Variants in GABRA2 observed in about 807,000 individuals in gnomAD.
GABRA2 encodes the protein gamma-aminobutyric acid type A receptor subunit alpha2, also known as gamma-aminobutyric acid receptor subunit alpha-2.
GABRA2 carries 16 observed loss-of-function variants against 48.7 expected under a neutral mutation model. That is an observed-to-expected ratio of 0.33 (90% CI 0.22 to 0.50). The LOEUF is 0.50. GABRA2 is among the 20% of genes least tolerant of loss of function. GABRA2 has a pLI of 0.98. For synonymous variants in GABRA2, 185 were observed against 184.5 expected (o/e 1.00, Z -0.02); for missense variants, 275 against 535.6 (o/e 0.51, Z 4.80).
intron 8 of GABRA2, among the ~76,000 whole-genome samples, chr4:46,272,571 A>T (rs573642960): frequency 6.6e-6 from 1 of 152,154 alleles, no homozygotes; most frequent in African/African-American, 2.4e-5. Context: ...ACAACTGGAC[A>T]AGGTTTAAGA....
At chr4:46,283,771 G>GT (rs1169710958) in intron 8 of GABRA2, among the ~76,000 whole-genome samples, 2 of 152,216 alleles carry the variant, frequency 1.3e-5, no homozygotes, top group East Asian at 1.9e-4. Flanking sequence ...CTGTTTGTTT[G>GT]TTTTTTGAGA....
At chr4:46,277,821 C>T (rs184938437) in intron 8 of GABRA2, among the ~76,000 whole-genome samples, 2 of 152,274 alleles carry the variant, frequency 1.3e-5, no homozygotes, top group East Asian at 1.9e-4. Context: ...GCTATTCAGT[C>T]CCAGTTGAAG....
At chr4:46,380,473 T>C (rs980201623) in intron 3 of GABRA2, among the ~76,000 whole-genome samples, 6 of 152,198 alleles carry the variant, frequency 3.9e-5, no homozygotes, top group African/African-American at 1.4e-4. Flanking sequence ...GTAGAAGTGG[T>C]AGTAGAACCA....
intron 8 of GABRA2, among the ~76,000 whole-genome samples, chr4:46,290,967 T>C (rs1723506621): frequency 6.6e-6 from 1 of 152,208 alleles, no homozygotes; most frequent in Admixed American, 6.5e-5. Context: ...TCTTTTAATG[T>C]GTGGTTGGAT....
intron 8 of GABRA2, among the ~76,000 whole-genome samples, chr4:46,291,781 A>ATATG (rs1553906991): frequency 3.3e-5 from 5 of 149,838 alleles, no homozygotes; most frequent in South Asian, 2.1e-4. Flanking sequence ...ACACACATAT[A>ATATG]TATATATATA....
chr4:46,349,976 G>A (rs1734842715), intron 3 of GABRA2, among the ~76,000 whole-genome samples: 1 of 151,784 alleles, frequency 6.6e-6, no homozygotes, highest in South Asian at 2.1e-4. Context: ...AATTCCAAAT[G>A]TGTGATAATA....
At chr4:46,363,904 A>G (rs1713620840) in intron 3 of GABRA2, 1 of 152,310 alleles carries the variant, frequency 6.6e-6, no homozygotes, top group South Asian at 2.1e-4. Context: ...TTTCCATAGC[A>G]ATTTTAAAGG....
In GABRA2 at chr4:46,256,365, T is replaced by C; in HGVS notation, c.1059+5561A>G. 1 of 654,750 alleles carries C rather than the reference T, an allele frequency of 1.5e-6. No individual in the cohort carries two copies. Among genetic ancestry groups the C allele is most frequent in the African/African-American group, 1.8e-5 (1 of 55,332 alleles). The allele number at this position is 654,750 out of a possible 1,614,324, so 40.6% of individuals were successfully genotyped here. On this transcript the variant is annotated intron_variant, in intron 9 of 9. Coordinates refer to ENST00000381620, the MANE Select transcript of GABRA2 (RefSeq NM_000807.4). The stretch of plus-strand genomic sequence containing the variant: ...GTTAATGTAATGCCTTCAGCTTTTA[T>C]TGAAGGGGACTACAAGAAACATCAA...
chr4:46,378,907 G>A (rs1324507940), intron 3 of GABRA2, among the ~76,000 whole-genome samples: 7 of 151,824 alleles, frequency 4.6e-5, no homozygotes, highest in Admixed American at 3.3e-4. Context: ...GACACTTGCT[G>A]TATGGGGAGA....
intron 8 of GABRA2, among the ~76,000 whole-genome samples, chr4:46,284,006 A>G (rs554428091): frequency 1.8e-4 from 27 of 147,090 alleles, no homozygotes; most frequent in Non-Finnish European, 3.9e-4. Flanking sequence ...TGATCTGCCC[A>G]CCTCAGCCTC....
intron 3 of GABRA2, among the ~76,000 whole-genome samples, chr4:46,377,636 G>A (rs536233765): frequency 6.6e-5 from 8 of 121,970 alleles, no homozygotes; most frequent in South Asian, 5.6e-4. Flanking sequence ...CTAGCCGCCC[G>A]GTCCAGGAGG....
At chr4:46,264,629 T>C (rs557819056) in intron 8 of GABRA2, among the ~76,000 whole-genome samples, 1 of 152,200 alleles carries the variant, frequency 6.6e-6, no homozygotes, top group South Asian at 2.1e-4. Context: ...ATAAGGAATA[T>C]GGATCTGTAG....
At chr4:46,320,241 C>G (rs1018594350) in intron 4 of GABRA2, among the ~76,000 whole-genome samples, 2 of 151,718 alleles carry the variant, frequency 1.3e-5, no homozygotes, top group Admixed American at 6.6e-5. Context: ...GCCATATGCA[C>G]TAGAATTAAA....
intron 8 of GABRA2, among the ~76,000 whole-genome samples, chr4:46,267,103 T>C (rs1384731749): frequency 1.3e-5 from 2 of 152,108 alleles, no homozygotes; most frequent in African/African-American, 4.8e-5. Context: ...TGCTTGATGA[T>C]GTACAACAGG....
chr4:46,312,479 C>T lies in GABRA2; in HGVS notation c.476+17G>A. 5 of 1,555,492 alleles carry T rather than the reference C, an allele frequency of 3.2e-6. No homozygotes were observed. Among genetic ancestry groups the T allele is most frequent in the Non-Finnish European group, 2.7e-6 (3 of 1,130,808 alleles). Reference sequence around the variant, plus strand: ...TTCTCAGTATATAAATACATCACATCAAACCTAAAAACATACCTCATGGTA... The same window carrying T: ...TTCTCAGTATATAAATACATCACATTAAACCTAAAAACATACCTCATGGTA... On this transcript the variant is annotated intron_variant, in intron 5 of 9. Coordinates refer to ENST00000381620, the MANE Select transcript of GABRA2 (RefSeq NM_000807.4).
At chr4:46,365,486 T>G (rs1205337567) in intron 3 of GABRA2, 1 of 152,124 alleles carries the variant, frequency 6.6e-6, no homozygotes, top group African/African-American at 2.4e-5. Flanking sequence ...ATTTCCTAAA[T>G]TGTGAACAAA....
rs891521205 is a variant in GABRA2, at chr4:46,245,428, C to CT, written c.*4879dup. Among the ~76,000 whole-genome samples the CT allele has an allele frequency of 3.3e-5, 5 of 150,828 alleles. No homozygotes were observed. The highest frequency in any genetic ancestry group is 9.7e-5 in the African/African-American group (4 of 41,130). ...ATTGCAAGATCATTTTGAATTTAAT[C>CT]TTTTTTTAAAAAAAAACTAGAAATA... On this transcript the variant is annotated 3_prime_UTR_variant, in exon 10 of 10. Coordinates refer to ENST00000381620, the MANE Select transcript of GABRA2 (RefSeq NM_000807.4).
chr4:46,265,476 TG>T (rs1436353468), intron 8 of GABRA2, among the ~76,000 whole-genome samples: 12 of 88,336 alleles, frequency 1.4e-4, no homozygotes, highest in African/African-American at 6.5e-4. Context: ...TATAATATAT[TG>T]TGTATATATT....
At chr4:46,319,925 T>C (rs1229342766) in intron 4 of GABRA2, among the ~76,000 whole-genome samples, 1 of 151,696 alleles carries the variant, frequency 6.6e-6, no homozygotes, top group Non-Finnish European at 1.5e-5. Flanking sequence ...TGCAAAATTA[T>C]ACCAATTTCA....
Sources: gnomAD v4.1 joint callset for allele counts (sites outside exome capture counted in the v4.1 genomes callset) on GRCh38, gnomAD v4.1.1 for gene constraint, MANE v1.5 for transcripts, NCBI Gene and HGNC (gene_info 2026-07-23, HGNC 2026-07-21) for gene names.